The following ELSPBP1 variants were observed in gnomAD, a reference collection of about 807,000 sequenced individuals.
ELSPBP1 encodes the protein epididymal sperm binding protein 1, also known as epididymal sperm-binding protein 1.
A neutral mutation model predicts 33.3 loss-of-function variants in ELSPBP1; 38 were observed. The ratio of observed to expected loss-of-function variants is 1.14; its 90% CI spans 0.88 to 1.50. ELSPBP1 has a LOEUF of 1.50. Among genes scored for constraint, ELSPBP1 ranks in the 40% most tolerant of loss-of-function variants. ELSPBP1 has a pLI of 0.00. For missense variants in ELSPBP1, 267 were observed against 263.5 expected (o/e 1.01, Z -0.09); for synonymous variants, 85 against 94.1 (o/e 0.90, Z 0.56).
chr19:47,998,481 G>C (rs963698935), intron 1 of ELSPBP1, among the ~76,000 whole-genome samples: 11 of 151,932 alleles, frequency 7.2e-5, no homozygotes, highest in African/African-American at 2.7e-4. Flanking sequence ...CCGGGCATGC[G>C]CATTAAGAGA....
At chr19:48,019,698 C>G (rs1239287788) in intron 4 of ELSPBP1, 21 bp from the exon 5 acceptor site, 2 of 1,609,644 alleles carry the variant, frequency 1.2e-6, no homozygotes, top group South Asian at 1.1e-5. Flanking sequence ...TGACCCGTAA[C>G]CTTTCCATAA....
chr19:48,006,628 A>AG (rs1967021151), intron 1 of ELSPBP1, among the ~76,000 whole-genome samples: 1 of 135,262 alleles, frequency 7.4e-6, no homozygotes, highest in Non-Finnish European at 1.6e-5. Flanking sequence ...TCTCAAAAAA[A>AG]AAAAAAAAAA....
At chr19:48,024,625 TA>T (rs1421574242) in intron 6 of ELSPBP1, among the ~76,000 whole-genome samples, 1 of 152,070 alleles carries the variant, frequency 6.6e-6, no homozygotes, top group Non-Finnish European at 1.5e-5. Flanking sequence ...GGGTAGATAT[TA>T]AAAAACACCC....
At chr19:48,015,704 G>A (rs79453214) in intron 3 of ELSPBP1, among the ~76,000 whole-genome samples, 189 bp from the exon 4 acceptor site, 8,006 of 152,156 alleles carry the variant, frequency 0.053, 281 homozygotes, top group Non-Finnish European at 0.076. Flanking sequence ...AAGTGGACCC[G>A]AGTTCAAACT....
intron 4 of ELSPBP1, among the ~76,000 whole-genome samples, chr19:48,016,459 TCTTTCCTTCTTTCTTTC>T (rs1346354332): frequency 3.8e-4 from 18 of 47,784 alleles, no homozygotes; most frequent in African/African-American, 1.2e-3. Flanking sequence ...CTCTTTCTTT[TCTTTCCTTCTTTCTTTC>T]TTTCTTTCTT....
intron 3 of ELSPBP1, among the ~76,000 whole-genome samples, chr19:48,015,661 AAAAAGAAAAG>A (rs368867872): frequency 6.6e-6 from 1 of 152,188 alleles, no homozygotes; most frequent in Non-Finnish European, 1.5e-5. Context: ...CTGTCTCGAA[AAAAAGAAAAG>A]AAAAGAAAAG....
chr19:48,002,793 A>AAATC lies in ELSPBP1; in HGVS notation c.-17-5856_-17-5855insTCAA, dbSNP rs146744853. 5.6e-4 allele frequency among the ~76,000 whole-genome samples: 85 copies of AAATC among 151,686 alleles called. No individual in the cohort carries two copies. The Middle Eastern group carries it at 0.014, about 24-fold the overall frequency. ...GGGTGCAGAGCAAGACTTCATCTCA[A>AAATC]AAACAAACAAAAATTCTGGCTTGTA... On this transcript the variant is annotated intron_variant, in intron 1 of 6. Coordinates refer to ENST00000339841, the MANE Select transcript of ELSPBP1 (RefSeq NM_022142.5).
chr19:48,009,800 T>C (rs916594222), intron 2 of ELSPBP1, among the ~76,000 whole-genome samples: 14 of 152,056 alleles, frequency 9.2e-5, no homozygotes, highest in African/African-American at 3.1e-4. Flanking sequence ...TTTTTTTTTC[T>C]TGGTTCTGCA....
At chr19:48,009,402 C>T (rs1318191848) in intron 2 of ELSPBP1, among the ~76,000 whole-genome samples, 5 of 152,150 alleles carry the variant, frequency 3.3e-5, no homozygotes, top group East Asian at 3.8e-4. Context: ...AGACCCCAAC[C>T]TGGACAACCT....
chr19:48,012,804 T>C (rs1555735305), intron 2 of ELSPBP1, among the ~76,000 whole-genome samples: 2 of 152,160 alleles, frequency 1.3e-5, no homozygotes, highest in African/African-American at 2.4e-5. Context: ...TTCTTCACTT[T>C]AAAAAATTCA....
chr19:48,019,773 A>G lies in ELSPBP1; in HGVS notation c.410A>G (p.Asn137Ser). 1 of 1,614,082 alleles carries G rather than the reference A, an allele frequency of 6.2e-7. No individual in the cohort carries two copies. The highest frequency in any genetic ancestry group is 8.5e-7 in the Non-Finnish European group (1 of 1,180,012). Residue 137 changes from asparagine (N) to serine (S), a missense_variant, in exon 5 of 7, where the codon AAT becomes AGT. Asn to Ser is a conservative substitution (Grantham distance 46). Transcript: ENST00000339841. The stretch of plus-strand genomic sequence containing the variant: ...TGCATCTTCCCCTCCATCTACAGAA[A>G]TAATGTGGTCTCTGATTGCATGGAG... ...KPCIFPSIYR[N>S]NVVSDCMEDE...
At chr19:48,002,759 T>C (rs181690131) in intron 1 of ELSPBP1, among the ~76,000 whole-genome samples, 1 of 152,226 alleles carries the variant, frequency 6.6e-6, no homozygotes, top group Non-Finnish European at 1.5e-5. Flanking sequence ...GCCACTGCAC[T>C]CCAGCTTGGG....
chr19:47,996,648 T>C (rs912681723), intron 1 of ELSPBP1, among the ~76,000 whole-genome samples: 2 of 151,652 alleles, frequency 1.3e-5, no homozygotes, highest in African/African-American at 4.8e-5. Flanking sequence ...CATGGGTGGA[T>C]GGGTGGATGG....
At position 48,018,544 on chromosome 19, in the gene ELSPBP1, G is replaced by A. The variant is rs559459392; in HGVS notation, c.356-1175G>A. 2.0e-5 allele frequency among the ~76,000 whole-genome samples: 3 copies of A among 152,234 alleles called. No individual in the cohort carries two copies. The East Asian group carries it at 5.8e-4, about 29-fold the overall frequency. ...AACTTTTAATAAGCATTTTCTATGT[G>A]CCAGGCAGTATTTTAAGTGCTTCAC... is the stretch of plus-strand genomic sequence containing the variant. On this transcript the variant is annotated intron_variant, in intron 4 of 6. Transcript: ENST00000339841.
chr19:48,011,846 T>C lies in ELSPBP1; in HGVS notation c.71-2325T>C, dbSNP rs1057302959. ...TAAGCAGCAGCCATGCTCCAGGTACTCTTCTAAGCACTTTCCAGATTTAAA... is the reference window on the plus strand; with the variant it reads ...TAAGCAGCAGCCATGCTCCAGGTACCCTTCTAAGCACTTTCCAGATTTAAA... On this transcript the variant is annotated intron_variant, in intron 2 of 6. Transcript: ENST00000339841. This position sits in a 1 kb window ranked among gnomAD's most constrained non-coding sequence, Gnocchi z 4.5. Among the ~76,000 whole-genome samples the C allele has an allele frequency of 6.6e-6, 1 of 152,154 alleles. No individual in the cohort carries two copies. The highest frequency in any genetic ancestry group is 2.4e-5 in the African/African-American group (1 of 41,444).
chr19:47,998,278 G>A (rs1396829406), intron 1 of ELSPBP1, among the ~76,000 whole-genome samples: 1 of 152,068 alleles, frequency 6.6e-6, no homozygotes, highest in Non-Finnish European at 1.5e-5. Flanking sequence ...CGGGTGCAGT[G>A]GCAGGCGCCT....
Position 48,011,431 on chromosome 19 carries a change from AATG to A in ELSPBP1, c.70+2697_70+2699del, listed in dbSNP as rs1348301524. Among the ~76,000 whole-genome samples, 2 of 121,590 alleles carry A rather than the reference AATG, an allele frequency of 1.6e-5. No individual in the cohort carries two copies. The highest frequency in any genetic ancestry group is 2.9e-4 in the East Asian group (1 of 3,496). 79.8% of individuals were successfully genotyped at this position (121,590 alleles called of 152,430 possible). The stretch of plus-strand genomic sequence containing the variant: ...ATAATGATGTGATGAGGAGGAGAAT[AATG>A]ATCACGATGACAGTGATGATGATGA... On this transcript the variant is annotated intron_variant, in intron 2 of 6. Transcript: ENST00000339841. This position sits in a 1 kb window ranked among gnomAD's most constrained non-coding sequence, Gnocchi z 4.5.
intron 6 of ELSPBP1, among the ~76,000 whole-genome samples, chr19:48,022,662 C>T (rs1967214747): frequency 1.3e-5 from 2 of 152,104 alleles, no homozygotes; most frequent in Non-Finnish European, 2.9e-5. Flanking sequence ...AGGAAGGTAT[C>T]ATTCCAAGTT....
intron 1 of ELSPBP1, among the ~76,000 whole-genome samples, chr19:47,998,753 T>G (rs1312601465): frequency 6.1e-5 from 9 of 146,658 alleles, no homozygotes; most frequent in African/African-American, 2.1e-4. Flanking sequence ...CGCCACTGCA[T>G]TCCAGCCTGG....
Sources: allele counts gnomAD v4.1 joint callset (sites outside exome capture counted in the v4.1 genomes callset), GRCh38; gene constraint gnomAD v4.1.1; non-coding constraint Gnocchi (gnomAD v3.1); transcripts MANE v1.5; gene names NCBI Gene and HGNC (gene_info 2026-07-23, HGNC 2026-07-21).